The following NFILZ variants were observed in gnomAD, a reference collection of about 807,000 sequenced individuals.
NFILZ encodes the protein NFIL3 like protein.
Position 8,679,269 on chromosome 19 carries a change from C to T in NFILZ, c.*1634C>T, listed in dbSNP as rs954089092. Among the ~76,000 whole-genome samples the T allele has an allele frequency of 1.2e-4, 17 of 145,820 alleles. No homozygotes were observed. Among genetic ancestry groups the T allele is most frequent in the African/African-American group, 4.3e-4 (17 of 39,082 alleles). On this transcript the variant is annotated 3_prime_UTR_variant, in exon 6 of 6. Transcript: ENST00000691075. ...TCAGTTTCTCACTCAGCCCCTCTCC[C>T]ATTATTATTATTATTATTATTATTA...
At chr19:8,665,695 A>G (rs544262842) in intron 3 of NFILZ, among the ~76,000 whole-genome samples, 3 of 152,322 alleles carry the variant, frequency 2.0e-5, no homozygotes, top group South Asian at 4.1e-4. Flanking sequence ...TTCTAGGTAC[A>G]CAAGTGCCCA....
chr19:8,659,205 A>G (rs1301637322), intron 3 of NFILZ, among the ~76,000 whole-genome samples: 3 of 151,912 alleles, frequency 2.0e-5, no homozygotes, highest in African/African-American at 7.3e-5. Flanking sequence ...CCGAGATCAC[A>G]CCAGGGCACT....
intron 3 of NFILZ, among the ~76,000 whole-genome samples, chr19:8,671,828 TC>T (rs1318567286): frequency 1.3e-5 from 2 of 152,016 alleles, no homozygotes; most frequent in Admixed American, 6.6e-5. Context: ...CCCTCTGATG[TC>T]CCCCCAAGAC....
At chr19:8,645,169 T>C (rs2042933888) in intron 3 of NFILZ, among the ~76,000 whole-genome samples, 1 of 152,028 alleles carries the variant, frequency 6.6e-6, no homozygotes, top group African/African-American at 2.4e-5. Flanking sequence ...GGGTCTTGTC[T>C]GTCGCCCAGG....
Position 8,668,287 on chromosome 19 carries a change from T to C in NFILZ, c.-163-6264T>C, listed in dbSNP as rs10417839. ...AATTTTAAATTTGCATTATTTTTAT[T>C]GTTGTCTTGTTATTTTTTTCAAATA... On this transcript the variant is annotated intron_variant, in intron 3 of 5. Transcript: ENST00000691075. 2.6e-5 allele frequency among the ~76,000 whole-genome samples: 4 copies of C among 151,922 alleles called. No homozygotes were observed. The South Asian group carries it at 8.3e-4, about 32-fold the overall frequency.
At chr19:8,653,014 T>TTC (rs2042974233) in intron 3 of NFILZ, among the ~76,000 whole-genome samples, 1 of 40,356 alleles carries the variant, frequency 2.5e-5, no homozygotes, top group East Asian at 4.7e-4. Flanking sequence ...CTTCCTTCCT[T>TTC]TCTTTCTTTC....
At chr19:8,676,158 G>C (rs1032348861) in intron 4 of NFILZ, among the ~76,000 whole-genome samples, 1 of 152,130 alleles carries the variant, frequency 6.6e-6, no homozygotes, top group South Asian at 2.1e-4. Flanking sequence ...CAAATGGACA[G>C]TTGAGTGAAT....
At chr19:8,673,532 C>A (rs2043097501) in intron 3 of NFILZ, among the ~76,000 whole-genome samples, 1 of 152,162 alleles carries the variant, frequency 6.6e-6, no homozygotes, top group South Asian at 2.1e-4. Context: ...GGAGGTGGTC[C>A]AGATGTCTTT....
chr19:8,658,748 T>C (rs185519100), intron 3 of NFILZ, among the ~76,000 whole-genome samples: 40 of 152,270 alleles, frequency 2.6e-4, no homozygotes, highest in African/African-American at 9.6e-4. Context: ...AGTGAGGATA[T>C]ACCACGAGGA....
chr19:8,636,175 C>T (rs1008913972), intron 3 of NFILZ, among the ~76,000 whole-genome samples: 13 of 151,428 alleles, frequency 8.6e-5, no homozygotes, highest in East Asian at 2.1e-4. Context: ...TTCGGCTGGG[C>T]GCGGTGGCTC....
chr19:8,652,262 C>T lies in NFILZ; in HGVS notation c.-164+16516C>T, dbSNP rs145990825. ...GGACTACAGGCGCCCGCCACCACAC[C>T]CGGCTAATTTTTTTGTACTTTTAGT... is the stretch of plus-strand genomic sequence containing the variant. On this transcript the variant is annotated intron_variant, in intron 3 of 5. Coordinates refer to ENST00000691075, the MANE Select transcript of NFILZ (RefSeq NM_001378600.1). Among the ~76,000 whole-genome samples the T allele has an allele frequency of 7.0e-3, 1,067 of 152,244 alleles. 10 individuals are homozygous for T. Among genetic ancestry groups the T allele is most frequent in the Middle Eastern group, 0.024 (7 of 292 alleles).
intron 3 of NFILZ, among the ~76,000 whole-genome samples, chr19:8,647,128 C>T (rs1233981914): frequency 1.3e-5 from 2 of 152,146 alleles, no homozygotes; most frequent in Non-Finnish European, 2.9e-5. Flanking sequence ...CTCAGTTATG[C>T]AGGCAGCTAA....
intron 2 of NFILZ, among the ~76,000 whole-genome samples, chr19:8,633,877 C>CCCTTCCTTCCTTCCTTCCTTCCTT (rs782201553): frequency 1.3e-4 from 11 of 84,520 alleles, no homozygotes; most frequent in Middle Eastern, 6.0e-3. Flanking sequence ...TAACTTTTCT[C>CCCTTCCTTCCTTCCTTCCTTCCTT]CCTTCCTTCC....
At chr19:8,658,608 A>G (rs944548287) in intron 3 of NFILZ, among the ~76,000 whole-genome samples, 6 of 152,072 alleles carry the variant, frequency 3.9e-5, no homozygotes, top group African/African-American at 1.4e-4. Context: ...ACCTTAAGTG[A>G]ACAAGCTTCA....
intron 3 of NFILZ, among the ~76,000 whole-genome samples, chr19:8,635,961 A>C (rs1000411088): frequency 1.3e-5 from 2 of 151,782 alleles, no homozygotes; most frequent in Non-Finnish European, 2.9e-5. Context: ...CTCAGCCTCC[A>C]GAGTAGCTGG....
rs1158566354 is a variant in NFILZ at position 8,679,226 on chromosome 19, A to C, written c.*1591A>C. ...CCAGGGGCCTGGAGCCCAAGGACTT[A>C]TCAAGGCTCCCTCCTCCTCAGTTTC... On this transcript the variant is annotated 3_prime_UTR_variant, in exon 6 of 6. Coordinates refer to ENST00000691075, the MANE Select transcript of NFILZ (RefSeq NM_001378600.1). 6.6e-6 allele frequency among the ~76,000 whole-genome samples: 1 copy of C among 151,966 alleles called. No individual in the cohort carries two copies. The highest frequency in any genetic ancestry group is 2.4e-5 in the African/African-American group (1 of 41,336).
At chr19:8,672,745 A>C (rs1312786388) in intron 3 of NFILZ, among the ~76,000 whole-genome samples, 1 of 152,222 alleles carries the variant, frequency 6.6e-6, no homozygotes, top group Non-Finnish European at 1.5e-5. Context: ...TTATTTTAAA[A>C]AATATTCATA....
At chr19:8,670,855 C>A (rs559244872) in intron 3 of NFILZ, among the ~76,000 whole-genome samples, 38 of 152,164 alleles carry the variant, frequency 2.5e-4, no homozygotes, top group African/African-American at 7.5e-4. Flanking sequence ...ATTAGTCAGG[C>A]GTGGTGGCAA....
intron 3 of NFILZ, among the ~76,000 whole-genome samples, chr19:8,640,210 T>G (rs2042912983): frequency 6.6e-6 from 1 of 152,030 alleles, no homozygotes; most frequent in Admixed American, 6.6e-5. Context: ...TGTTCTTGAT[T>G]TTCCCCCAGA....
Sources: gnomAD v4.1 joint callset for allele counts (sites outside exome capture counted in the v4.1 genomes callset) on GRCh38, gnomAD v4.1.1 for gene constraint, MANE v1.5 for transcripts, NCBI Gene and HGNC (gene_info 2026-07-23, HGNC 2026-07-21) for gene names.